Variants in IGSF11 observed in about 807,000 individuals in gnomAD.
IGSF11 encodes immunoglobulin superfamily member 11.
IGSF11 carries 22 observed loss-of-function variants against 41.0 expected under a neutral mutation model. That is an observed-to-expected ratio of 0.54 (90% confidence interval 0.38 to 0.77). The LOEUF is 0.77. Among genes scored for constraint, IGSF11 ranks in the 30% least tolerant of loss-of-function variants. The pLI, the probability that IGSF11 is intolerant of heterozygous loss-of-function variation, is 0.00. For missense variants in IGSF11, 444 were observed against 530.8 expected (o/e 0.84, Z 1.61); for synonymous variants, 219 against 201.3 (o/e 1.09, Z -0.74).
chr3:119,064,522 T>G (rs1942160640), intron 1 of IGSF11, among the ~76,000 whole-genome samples: 1 of 149,740 alleles, frequency 6.7e-6, no homozygotes, highest in South Asian at 2.1e-4. Context: ...TTTTTTTTTT[T>G]TTTTTTTTTT....
chr3:119,051,829 T>C (rs1386013273), intron 1 of IGSF11, among the ~76,000 whole-genome samples: 1 of 152,140 alleles, frequency 6.6e-6, no homozygotes, highest in East Asian at 1.9e-4. Context: ...AAAGGAACCC[T>C]GAAAACTATA....
chr3:118,975,994 A>G (rs1450884081), intron 1 of IGSF11, among the ~76,000 whole-genome samples: 3 of 152,166 alleles, frequency 2.0e-5, no homozygotes, highest in Non-Finnish European at 4.4e-5. Context: ...ACAAAGTTGC[A>G]CAGGTACCCT....
chr3:119,039,780 C>G (rs1412286256), upstream of IGSF11, among the ~76,000 whole-genome samples: 2 of 152,172 alleles, frequency 1.3e-5, no homozygotes, highest in African/African-American at 4.8e-5. Context: ...GTATAGCTCT[C>G]CTTTCACTTC....
chr3:119,142,125 A>C (rs916875107), intron 1 of IGSF11, among the ~76,000 whole-genome samples: 22 of 151,988 alleles, frequency 1.4e-4, no homozygotes, highest in Admixed American at 1.4e-3. Context: ...AATACAAAAA[A>C]TTAGCTGGGC....
At position 118,928,781 on chromosome 3, in the gene IGSF11, T is replaced by C; in HGVS notation, c.217-65A>G. 4 of 1,196,168 alleles carry C rather than the reference T, an allele frequency of 3.3e-6. No individual in the cohort carries two copies. The South Asian group carries it at 5.7e-5, about 17-fold the overall frequency. 74.1% of individuals were successfully genotyped at this position (1,196,168 alleles called of 1,614,324 possible). ...CCTCTCCTAGACACAAAACAATAAC[T>C]ATTTGGTAGACAGTACCAAATGCTG... On this transcript the variant is annotated intron_variant, in intron 2 of 6. Coordinates refer to ENST00000393775, the MANE Select transcript of IGSF11 (RefSeq NM_001015887.3).
chr3:119,001,477 T>A (rs1444192067), intron 1 of IGSF11, among the ~76,000 whole-genome samples: 7 of 150,380 alleles, frequency 4.7e-5, no homozygotes, highest in African/African-American at 1.7e-4. Flanking sequence ...CTTTTTTTTT[T>A]TTTTTTATTA....
chr3:118,996,093 G>T (rs537140408), intron 1 of IGSF11, among the ~76,000 whole-genome samples: 1 of 152,148 alleles, frequency 6.6e-6, no homozygotes, highest in Non-Finnish European at 1.5e-5. Flanking sequence ...CAGCAAGCAG[G>T]TTATGGTTTA....
intron 1 of IGSF11, among the ~76,000 whole-genome samples, chr3:119,029,628 T>C (rs1940207148): frequency 6.6e-6 from 1 of 152,106 alleles, no homozygotes; most frequent in Non-Finnish European, 1.5e-5. Flanking sequence ...AAAGAATCAT[T>C]AAGGGGAATA....
intron 4 of IGSF11, among the ~76,000 whole-genome samples, chr3:118,909,061 C>T (rs554857284): frequency 1.3e-5 from 2 of 152,230 alleles, no homozygotes; most frequent in South Asian, 4.1e-4. Context: ...CTTCCTGGTA[C>T]TTCTAGGGGA....
chr3:119,065,623 C>A (rs1280070754), intron 1 of IGSF11, among the ~76,000 whole-genome samples: 1 of 151,696 alleles, frequency 6.6e-6, no homozygotes, highest in Non-Finnish European at 1.5e-5. Context: ...TGAAACCCCG[C>A]CTGTACTAAA....
intron 1 of IGSF11, among the ~76,000 whole-genome samples, chr3:118,971,088 ACT>A (rs933716999): frequency 3.5e-4 from 53 of 152,166 alleles, no homozygotes; most frequent in African/African-American, 1.1e-3. Flanking sequence ...ATGAACTAAC[ACT>A]CTGCCCAGAT....
intron 1 of IGSF11, among the ~76,000 whole-genome samples, chr3:119,068,030 C>T (rs966920012): frequency 6.6e-5 from 10 of 152,212 alleles, no homozygotes; most frequent in African/African-American, 2.4e-4. Context: ...TTAAGCAATA[C>T]TGACTGCATC....
chr3:119,032,851 G>A (rs1196901949), intron 1 of IGSF11, among the ~76,000 whole-genome samples: 1 of 152,122 alleles, frequency 6.6e-6, no homozygotes, highest in Non-Finnish European at 1.5e-5. Context: ...ACACTCACAC[G>A]CGTCTTTGTA....
chr3:118,957,995 T>C (rs1046174404), intron 1 of IGSF11, among the ~76,000 whole-genome samples: 1 of 152,206 alleles, frequency 6.6e-6, no homozygotes, highest in Non-Finnish European at 1.5e-5. Flanking sequence ...AGTTTTACAA[T>C]AGCTGAAAAG....
intron 1 of IGSF11, among the ~76,000 whole-genome samples, chr3:119,055,182 C>T (rs1353391304): frequency 2.0e-5 from 3 of 152,194 alleles, no homozygotes; most frequent in Non-Finnish European, 2.9e-5. Flanking sequence ...ATCTGTACAT[C>T]ACCATCATCA....
At chr3:119,125,148 T>A (rs1277585376) in intron 1 of IGSF11, among the ~76,000 whole-genome samples, 1 of 152,222 alleles carries the variant, frequency 6.6e-6, no homozygotes, top group Non-Finnish European at 1.5e-5. Flanking sequence ...CCTGGTTCTA[T>A]AAGAAATTCT....
chr3:118,987,697 TGACTTGAG>T (rs1935395392), intron 1 of IGSF11, among the ~76,000 whole-genome samples: 1 of 152,248 alleles, frequency 6.6e-6, no homozygotes, highest in Non-Finnish European at 1.5e-5. Context: ...ACTAGGCATG[TGACTTGAG>T]ATTTGGCAGG....
chr3:118,937,638 C>T (rs144692755), intron 1 of IGSF11, among the ~76,000 whole-genome samples: 2 of 152,286 alleles, frequency 1.3e-5, no homozygotes, highest in African/African-American at 4.8e-5. Flanking sequence ...TGGTCATCTA[C>T]ATTAATCAAT....
At chr3:119,001,160 T>C (rs1180758511) in intron 1 of IGSF11, among the ~76,000 whole-genome samples, 1 of 151,580 alleles carries the variant, frequency 6.6e-6, no homozygotes, top group Non-Finnish European at 1.5e-5. Flanking sequence ...CAATTGGCAC[T>C]TAGTCATTTA....
Sources: allele counts gnomAD v4.1 joint callset (sites outside exome capture counted in the v4.1 genomes callset), GRCh38; gene constraint gnomAD v4.1.1; transcripts MANE v1.5; gene names NCBI Gene and HGNC (gene_info 2026-07-23, HGNC 2026-07-21).